Variants in FBN2 observed in about 807,000 individuals in gnomAD.
FBN2 encodes fibrillin-2.
FBN2 carries 105 observed loss-of-function variants against 355.6 expected under a neutral mutation model. The ratio of observed to expected loss-of-function variants is 0.30; its 90% CI spans 0.25 to 0.35. The LOEUF is 0.35. Ranked by LOEUF, FBN2 falls within the 10% of genes least tolerant of loss-of-function variation. The pLI is 1.00. For missense variants in FBN2, 3,280 were observed against 3,758.7 expected (o/e 0.87, Z 3.33); for synonymous variants, 1,350 against 1,301.2 (o/e 1.04, Z -0.81).
chr5:128,469,598 T>A (rs947613028), intron 5 of FBN2, among the ~76,000 whole-genome samples: 10 of 151,748 alleles, frequency 6.6e-5, no homozygotes, highest in African/African-American at 9.7e-5. Flanking sequence ...TATATTTGTA[T>A]TCTAAAGTGT....
intron 56 of FBN2, 100 bp downstream of exon 56, chr5:128,280,092 T>G (rs1765495064): frequency 2.1e-6 from 2 of 946,964 alleles, no homozygotes; most frequent in African/African-American, 1.6e-5. Context: ...ATTGGGGGAT[T>G]TGTTTAGCAG....
chr5:128,280,338 T>A (rs753766468), intron 55 of FBN2, 21 bp from the exon 56 acceptor site: 2 of 1,590,370 alleles, frequency 1.3e-6, no homozygotes, highest in Admixed American at 3.3e-5. Flanking sequence ...ACAAACAATA[T>A]GAATAATGAG....
intron 34 of FBN2, 101 bp downstream of exon 34, chr5:128,328,595 A>G: frequency 2.5e-6 from 3 of 1,205,164 alleles, no homozygotes; most frequent in Non-Finnish European, 3.6e-6. Context: ...AGCATGTGCT[A>G]TGTATTCTGC....
intron 7 of FBN2, among the ~76,000 whole-genome samples, chr5:128,437,515 G>T (rs182531953): frequency 6.6e-6 from 1 of 152,090 alleles, no homozygotes; most frequent in Non-Finnish European, 1.5e-5. Context: ...ACAAAGTGAT[G>T]GTTATATGGG....
chr5:128,366,066 C>G (rs925456867), intron 17 of FBN2, among the ~76,000 whole-genome samples: 18 of 151,944 alleles, frequency 1.2e-4, no homozygotes, highest in African/African-American at 4.3e-4. Context: ...TTGACTTATT[C>G]TTCTTTTTTT....
intron 24 of FBN2, 102 bp downstream of exon 24, chr5:128,345,255 T>C: frequency 1.0e-6 from 1 of 962,152 alleles, no homozygotes; most frequent in South Asian, 1.3e-5. Flanking sequence ...ACTGAGAAAA[T>C]AAAGTGGGAA....
chr5:128,404,304 T>C (rs1581267395), intron 8 of FBN2, among the ~76,000 whole-genome samples: 1 of 152,264 alleles, frequency 6.6e-6, no homozygotes, highest in African/African-American at 2.4e-5. Context: ...AACATAGTTA[T>C]TCAAAACATT....
At chr5:128,504,115 G>A (rs1755889586) in intron 5 of FBN2, among the ~76,000 whole-genome samples, 1 of 152,212 alleles carries the variant, frequency 6.6e-6, no homozygotes, top group African/African-American at 2.4e-5. Flanking sequence ...GCCTGTGAGT[G>A]CACAGAAGTC....
chr5:128,370,239 G>A (rs2126948792), intron 15 of FBN2, among the ~76,000 whole-genome samples: 1 of 152,260 alleles, frequency 6.6e-6, no homozygotes, highest in African/African-American at 2.4e-5. Flanking sequence ...ATAAAGGGCA[G>A]AGAACCCATG....
Position 128,310,009 on chromosome 5 carries a change from T to C in FBN2, c.5174A>G (p.Gln1725Arg). ...CATGCAGTTGTGGCCTCCATTGACC[T>C]GCATGTACTCAGGTGGGCAAATGCA... Reference protein sequence around the residue: ...YTCICPPEYMQVNGGHNCMDM... With the variant: ...YTCICPPEYMRVNGGHNCMDM... The change falls in exon 40 of 65, where the codon CAG becomes CGG. Residue 1725 changes from glutamine (Q) to arginine (R), a missense_variant. Transcript: ENST00000262464. The C allele has an allele frequency of 6.2e-7, 1 of 1,613,962 alleles. No homozygotes were observed. The highest frequency in any genetic ancestry group is 8.5e-7 in the Non-Finnish European group (1 of 1,179,882).
At chr5:128,275,059 CAG>C (rs1425782931) in intron 59 of FBN2, among the ~76,000 whole-genome samples, 2 of 152,016 alleles carry the variant, frequency 1.3e-5, no homozygotes, top group African/African-American at 4.8e-5. Flanking sequence ...AAAAATGAAA[CAG>C]AATCTAGAAA....
chr5:128,328,650 T>C lies in FBN2; in HGVS notation c.4471+46A>G. The C allele has an allele frequency of 6.2e-7, 1 of 1,610,050 alleles. No individual in the cohort carries two copies. Among genetic ancestry groups the C allele is most frequent in the Non-Finnish European group, 8.5e-7 (1 of 1,177,188 alleles). The stretch of plus-strand genomic sequence containing the variant: ...CAGCCCTTGTTGTGGTTTCATTTAC[T>C]GTGGTTGATCCAACTTGAAAATGAG... On this transcript the variant is annotated intron_variant, in intron 34 of 64. Transcript: ENST00000262464.
rs1388119592 is a variant in FBN2, at chr5:128,345,535, G to A, written c.3039C>T (p.Ile1013=). The A allele has an allele frequency of 2.5e-6, 4 of 1,614,126 alleles. No homozygotes were observed. Among genetic ancestry groups the A allele is most frequent in the Non-Finnish European group, 3.4e-6 (4 of 1,180,014 alleles). ...TGCGGAACTTTCCAGGAACGGGGTG[G>A]ATGCATTCATCTTCATCCCACTTCA... ...CYLKWDEDEC[I]HPVPGKFRMD... The change falls in exon 24 of 65, where the codon ATC becomes ATT. Residue 1013 remains isoleucine, a synonymous_variant. Coordinates refer to ENST00000262464, the MANE Select transcript of FBN2 (RefSeq NM_001999.4).
intron 8 of FBN2, 21 bp from the exon 9 acceptor site, chr5:128,395,295 C>G: frequency 1.2e-6 from 2 of 1,613,794 alleles, no homozygotes; most frequent in Non-Finnish European, 1.7e-6. Flanking sequence ...ATAAATAAGA[C>G]AGAAGATATG....
At position 128,464,737 on chromosome 5, in the gene FBN2, A is replaced by C. The variant is rs1754659933; in HGVS notation, c.813T>G (p.Thr271=). The change falls in exon 6 of 65, where the codon ACT becomes ACG. Residue 271 remains threonine, a synonymous_variant. Coordinates refer to ENST00000262464, the MANE Select transcript of FBN2 (RefSeq NM_001999.4). The part of the protein sequence containing the change: ...CRRGFIPNIR[T]GACQDVDECQ... Reference sequence around the variant, plus strand: ...CAGCTGACTCACCTTGGCAAGCTCCAGTGCGGATGTTGGGGATGAAACCCC... The same window carrying C: ...CAGCTGACTCACCTTGGCAAGCTCCCGTGCGGATGTTGGGGATGAAACCCC... 6.2e-7 allele frequency: 1 copy of C among 1,613,414 alleles called. No homozygotes were observed. Among genetic ancestry groups the C allele is most frequent in the East Asian group, 2.2e-5 (1 of 44,898 alleles).
intron 39 of FBN2, among the ~76,000 whole-genome samples, chr5:128,310,341 T>A (rs1339954397): frequency 7.0e-6 from 1 of 142,758 alleles, no homozygotes; most frequent in Non-Finnish European, 1.5e-5. Context: ...TATTCTAAAG[T>A]GGCAAAAAAT....
chr5:128,494,502 G>A (rs140604564), intron 5 of FBN2, among the ~76,000 whole-genome samples: 154 of 152,194 alleles, frequency 1.0e-3, no homozygotes, highest in African/African-American at 3.6e-3. Flanking sequence ...GGATTTAACT[G>A]GATCAGACTA....
chr5:128,399,551 G>A (rs915473318), intron 8 of FBN2, among the ~76,000 whole-genome samples: 2 of 152,110 alleles, frequency 1.3e-5, no homozygotes, highest in African/African-American at 4.8e-5. Flanking sequence ...GAAGGTTTGA[G>A]ATGCAGGAAG....
chr5:128,302,686 A>G (rs1749751620), intron 46 of FBN2, among the ~76,000 whole-genome samples: 1 of 152,216 alleles, frequency 6.6e-6, no homozygotes, highest in African/African-American at 2.4e-5. Context: ...CAAATACCCT[A>G]AACCATAAAT....
Sources: gnomAD v4.1 joint callset for allele counts (sites outside exome capture counted in the v4.1 genomes callset) on GRCh38, gnomAD v4.1.1 for gene constraint, MANE v1.5 for transcripts, NCBI Gene and HGNC (gene_info 2026-07-23, HGNC 2026-07-21) for gene names.